The following PRKAR1B variants were observed in gnomAD, a reference collection of about 807,000 sequenced individuals.
PRKAR1B encodes cAMP-dependent protein kinase type I-beta regulatory subunit.
Under a neutral mutation model 46.5 loss-of-function variants are expected in PRKAR1B, and 22 were observed. The ratio of observed to expected loss-of-function variants is 0.47; its 90% confidence interval spans 0.34 to 0.68. The LOEUF (loss-of-function observed/expected upper bound fraction) is 0.68. PRKAR1B is among the 30% of genes least tolerant of loss of function. The pLI is 0.01. For missense variants in PRKAR1B, 445 were observed against 535.6 expected (o/e 0.83, Z 1.67); for synonymous variants, 259 against 217.7 (o/e 1.19, Z -1.67).
At chr7:635,734 G>C (rs905939423) in intron 4 of PRKAR1B, among the ~76,000 whole-genome samples, 2 of 152,116 alleles carry the variant, frequency 1.3e-5, no homozygotes, top group African/African-American at 4.8e-5. Context: ...AGACGGGGAA[G>C]CCTCAGGTTT....
At chr7:558,986 C>T (rs1287685910) in intron 9 of PRKAR1B, among the ~76,000 whole-genome samples, 3 of 152,158 alleles carry the variant, frequency 2.0e-5, no homozygotes, top group Non-Finnish European at 2.9e-5. Context: ...GCGTGGACGG[C>T]GGCCCCGTCC....
At chr7:588,232 C>A (rs1182320008) in intron 7 of PRKAR1B, among the ~76,000 whole-genome samples, 1 of 152,372 alleles carries the variant, frequency 6.6e-6, no homozygotes, top group South Asian at 2.1e-4. Context: ...CCCTCCCCTG[C>A]CTTCCAGAGC....
At chr7:718,027 G>A (rs994712541) in intron 1 of PRKAR1B, among the ~76,000 whole-genome samples, 1 of 152,096 alleles carries the variant, frequency 6.6e-6, no homozygotes. Flanking sequence ...GTGGCTGTAA[G>A]AGGACCCCGT....
At chr7:619,986 G>T (rs1322587222) in intron 4 of PRKAR1B, among the ~76,000 whole-genome samples, 3 of 150,770 alleles carry the variant, frequency 2.0e-5, no homozygotes, top group Non-Finnish European at 2.9e-5. Context: ...GAGTAGCTGG[G>T]CCTACAGGCA....
intron 4 of PRKAR1B, among the ~76,000 whole-genome samples, chr7:643,894 C>A (rs1371426889): frequency 1.3e-5 from 2 of 152,112 alleles, no homozygotes; most frequent in East Asian, 3.8e-4. Flanking sequence ...TATTATCCAA[C>A]CCCCAGCCAC....
intron 2 of PRKAR1B, among the ~76,000 whole-genome samples, chr7:693,247 T>C (rs1489809082): frequency 6.6e-6 from 1 of 151,706 alleles, no homozygotes; most frequent in African/African-American, 2.4e-5. Flanking sequence ...GCTTTTTTTT[T>C]TTTTTTTAAT....
intron 9 of PRKAR1B, among the ~76,000 whole-genome samples, chr7:567,441 ACCATCACCT>A (rs1583215472): frequency 1.4e-5 from 2 of 142,532 alleles, no homozygotes; most frequent in East Asian, 4.2e-4. Context: ...CATCATCATC[ACCATCACCT>A]CCATCATCAC....
chr7:682,587 T>C (rs1778751029), intron 2 of PRKAR1B, among the ~76,000 whole-genome samples: 1 of 151,510 alleles, frequency 6.6e-6, no homozygotes, highest in East Asian at 2.0e-4. Context: ...CTACTAAAAA[T>C]ACAAAAAATT....
rs533083876 is a variant in PRKAR1B at position 551,727 on chromosome 7, C to A, written c.892-257G>T. Among the ~76,000 whole-genome samples, 3 of 146,942 alleles carry A rather than the reference C, an allele frequency of 2.0e-5. No individual in the cohort carries two copies. In the South Asian group the frequency reaches 6.6e-4, roughly 32 times the overall value. The stretch of plus-strand genomic sequence containing the variant: ...CCCAGGTCCTTCTCCAGAGCCACTG[C>A]CACCACCATGTCACCACCCAAACCC... On this transcript the variant is annotated intron_variant, in intron 9 of 10. Transcript: ENST00000537384.
rs1288280079 is a variant in PRKAR1B at position 560,358 on chromosome 7, CAAA to C, written c.892-8891_892-8889del. ...ATAGCAGTGTTAGAATGAACTAATA[CAAA>C]TAATAATAATAATAATAATAATAAT... On this transcript the variant is annotated intron_variant, in intron 9 of 10. Transcript: ENST00000537384. The surrounding 1 kb of genome is among the most constrained non-coding windows in gnomAD (Gnocchi z 4.2). 4.1e-5 allele frequency among the ~76,000 whole-genome samples: 4 copies of C among 96,594 alleles called. No individual in the cohort carries two copies. The highest frequency in any genetic ancestry group is 1.9e-4 in the African/African-American group (4 of 20,710). 63.4% of individuals were successfully genotyped at this position (96,594 alleles called of 152,430 possible).
intron 7 of PRKAR1B, among the ~76,000 whole-genome samples, chr7:587,228 T>C (rs1266562549): frequency 6.6e-6 from 1 of 152,098 alleles, no homozygotes; most frequent in Non-Finnish European, 1.5e-5. Context: ...TCCCCAAACT[T>C]TCTTCTCCTG....
rs910400322 is a variant in PRKAR1B at position 553,223 on chromosome 7, G to T, written c.892-1753C>A. Among the ~76,000 whole-genome samples the T allele has an allele frequency of 2.6e-5, 4 of 152,242 alleles. No individual in the cohort carries two copies. In the East Asian group the frequency reaches 7.7e-4, roughly 29 times the overall value. On this transcript the variant is annotated intron_variant, in intron 9 of 10. Transcript: ENST00000537384. ...AGAGCCGCTGGGAAGACACACTAGA[G>T]AAGCTTCCTCTGAACAGCCGGGGAA...
At chr7:728,003 G>T (rs1399542851), upstream of PRKAR1B, among the ~76,000 whole-genome samples, 1 of 151,878 alleles carries the variant, frequency 6.6e-6, no homozygotes, top group African/African-American at 2.4e-5. Flanking sequence ...ACTCTGCTCT[G>T]GTCATTTCAC....
intron 4 of PRKAR1B, among the ~76,000 whole-genome samples, chr7:663,257 T>C (rs67543498): frequency 0.14 from 21,589 of 152,174 alleles, 1,696 homozygotes; most frequent in South Asian, 0.28. Context: ...GACAGGGTCT[T>C]GCCCTGTCAC....
intron 9 of PRKAR1B, among the ~76,000 whole-genome samples, chr7:574,865 G>C (rs1779727902): frequency 1.3e-5 from 2 of 152,258 alleles, no homozygotes; most frequent in African/African-American, 4.8e-5. Flanking sequence ...GAGCCTGTAA[G>C]CACCAGTTTC....
intron 2 of PRKAR1B, among the ~76,000 whole-genome samples, chr7:696,148 A>T (rs61517630): frequency 0.033 from 5,001 of 150,560 alleles, 309 homozygotes; most frequent in African/African-American, 0.12. Flanking sequence ...AAATTTTTTT[A>T]TTATTATTTG....
chr7:596,557 C>T (rs1435092848), intron 6 of PRKAR1B, among the ~76,000 whole-genome samples: 2 of 152,220 alleles, frequency 1.3e-5, no homozygotes, highest in East Asian at 1.9e-4. Context: ...AGGGCCCAGC[C>T]GCCAGTGCCA....
At chr7:624,234 A>G (rs1783260002) in intron 4 of PRKAR1B, among the ~76,000 whole-genome samples, 1 of 152,178 alleles carries the variant, frequency 6.6e-6, no homozygotes, top group Non-Finnish European at 1.5e-5. Context: ...GGAGTTCGAG[A>G]CCAGCCTGGC....
At chr7:668,076 G>T (rs559562857) in intron 4 of PRKAR1B, among the ~76,000 whole-genome samples, 2 of 152,010 alleles carry the variant, frequency 1.3e-5, no homozygotes, top group Non-Finnish European at 2.9e-5. Context: ...TATCTGTCTT[G>T]AACCTGAACT....
Sources: gnomAD v4.1 joint callset for allele counts (sites outside exome capture counted in the v4.1 genomes callset) on GRCh38, gnomAD v4.1.1 for gene constraint, Gnocchi (gnomAD v3.1) non-coding constraint, MANE v1.5 for transcripts, NCBI Gene and HGNC (gene_info 2026-07-23, HGNC 2026-07-21) for gene names.